The following NECTIN3 variants were observed in gnomAD, a reference collection of about 807,000 sequenced individuals.
NECTIN3 encodes the protein nectin-3.
A neutral mutation model predicts 49.4 loss-of-function variants in NECTIN3; 8 were observed. The observed-to-expected ratio is 0.16, with a 90% CI of 0.10 to 0.29. The LOEUF is 0.29. Ranked by LOEUF, NECTIN3 falls within the 10% of genes least tolerant of loss-of-function variation. NECTIN3 has a pLI of 1.00. For synonymous variants in NECTIN3, 277 were observed against 241.1 expected (o/e 1.15, Z -1.38); for missense variants, 581 against 654.6 (o/e 0.89, Z 1.23).
intron 7 of NECTIN3, among the ~76,000 whole-genome samples, chr3:111,166,308 A>G (rs2035318747): frequency 6.6e-6 from 1 of 152,204 alleles, no homozygotes; most frequent in Admixed American, 6.5e-5. Context: ...TAATCCTCCC[A>G]AGTACCTAGA....
chr3:111,143,543 C>G lies in NECTIN3; in HGVS notation c.1001-1356C>G, dbSNP rs1315223782. Among the ~76,000 whole-genome samples, 3 of 151,992 alleles carry G rather than the reference C, an allele frequency of 2.0e-5. No individual in the cohort carries two copies. In the East Asian group the frequency reaches 5.8e-4, roughly 29 times the overall value. ...TTTAAACAAAAACAATTGGAAAATA[C>G]TTATAAATATGTATTTATATGGGAA... On this transcript the variant is annotated intron_variant, in intron 5 of 8. Transcript: ENST00000493615.
intron 7 of NECTIN3, among the ~76,000 whole-genome samples, chr3:111,185,676 A>C (rs1374393280): frequency 6.6e-6 from 1 of 152,128 alleles, no homozygotes; most frequent in Non-Finnish European, 1.5e-5. Context: ...AGAAGTAAGA[A>C]GGTCATGGAA....
downstream of NECTIN3, among the ~76,000 whole-genome samples, chr3:111,139,871 ATATT>A (rs1056684270): frequency 2.0e-5 from 3 of 151,782 alleles, no homozygotes; most frequent in Admixed American, 6.6e-5. Flanking sequence ...ATCTGATAAT[ATATT>A]TAACATGTTA....
At chr3:111,103,237 G>C (rs2033005948) in intron 1 of NECTIN3, among the ~76,000 whole-genome samples, 1 of 152,062 alleles carries the variant, frequency 6.6e-6, no homozygotes, top group South Asian at 2.1e-4. Flanking sequence ...CTAGCATCTT[G>C]ACAATATTGA....
intron 1 of NECTIN3, among the ~76,000 whole-genome samples, chr3:111,105,771 G>A (rs1287088141): frequency 6.6e-6 from 1 of 152,112 alleles, no homozygotes; most frequent in Non-Finnish European, 1.5e-5. Context: ...TAGTTTCTCT[G>A]TCCTTGTGCT....
At chr3:111,102,239 T>A (rs1041707242) in intron 1 of NECTIN3, among the ~76,000 whole-genome samples, 6 of 152,186 alleles carry the variant, frequency 3.9e-5, no homozygotes, top group African/African-American at 1.4e-4. Flanking sequence ...ATGAAACATT[T>A]TATAAACGTT....
At chr3:111,088,652 A>G (rs2032076997) in intron 1 of NECTIN3, among the ~76,000 whole-genome samples, 1 of 152,208 alleles carries the variant, frequency 6.6e-6, no homozygotes, top group Non-Finnish European at 1.5e-5. Context: ...TTATAAAAAC[A>G]TTAAACCATT....
At chr3:111,140,512 T>G (rs190902219), downstream of NECTIN3, among the ~76,000 whole-genome samples, 77 of 151,912 alleles carry the variant, frequency 5.1e-4, no homozygotes, top group East Asian at 0.011. Context: ...GGGGTTTTTT[T>G]GCCAATTATT....
intron 7 of NECTIN3, among the ~76,000 whole-genome samples, chr3:111,166,089 G>T (rs1047393680): frequency 6.6e-6 from 1 of 152,130 alleles, no homozygotes; most frequent in Non-Finnish European, 1.5e-5. Context: ...TGCAAGTTTT[G>T]GTGATGCTCC....
chr3:111,160,179 G>C (rs1010698634), intron 7 of NECTIN3, among the ~76,000 whole-genome samples: 12 of 152,178 alleles, frequency 7.9e-5, no homozygotes, highest in Admixed American at 7.8e-4. Context: ...TCTAATCCCT[G>C]TACTTCTGTT....
intron 1 of NECTIN3, among the ~76,000 whole-genome samples, chr3:111,083,297 G>C (rs545266918): frequency 6.6e-6 from 1 of 152,304 alleles, no homozygotes; most frequent in Admixed American, 6.5e-5. Flanking sequence ...TGGACTGAAA[G>C]TTTGTGTTCC....
chr3:111,103,483 T>C (rs1337035219), intron 1 of NECTIN3, among the ~76,000 whole-genome samples: 2 of 151,860 alleles, frequency 1.3e-5, no homozygotes, highest in Non-Finnish European at 2.9e-5. Flanking sequence ...AACTTTGTAT[T>C]CTGTAACCTT....
At chr3:111,159,621 G>T (rs934276685) in intron 7 of NECTIN3, among the ~76,000 whole-genome samples, 3 of 152,058 alleles carry the variant, frequency 2.0e-5, no homozygotes, top group African/African-American at 7.2e-5. Flanking sequence ...ACCATTTGAG[G>T]TCTCAAAGCT....
chr3:111,090,416 A>G (rs776757709), intron 1 of NECTIN3, among the ~76,000 whole-genome samples: 5 of 152,188 alleles, frequency 3.3e-5, no homozygotes, highest in East Asian at 1.9e-4. Flanking sequence ...CCCTACTGTT[A>G]ACTACCCTAG....
intron 7 of NECTIN3, among the ~76,000 whole-genome samples, chr3:111,150,011 T>A (rs1384738835): frequency 2.0e-5 from 3 of 152,028 alleles, no homozygotes; most frequent in Non-Finnish European, 2.9e-5. Context: ...GGAACTTTTT[T>A]AGGAAAACAT....
At chr3:111,168,606 AT>A (rs1559816601) in intron 7 of NECTIN3, among the ~76,000 whole-genome samples, 1 of 152,154 alleles carries the variant, frequency 6.6e-6, no homozygotes. Context: ...GTGCTCAAAT[AT>A]TTATTGAGTG....
intron 1 of NECTIN3, among the ~76,000 whole-genome samples, chr3:111,079,501 A>G (rs577601159): frequency 6.6e-6 from 1 of 152,096 alleles, no homozygotes; most frequent in Non-Finnish European, 1.5e-5. Flanking sequence ...TAAACTGCCT[A>G]GTTTTTAAAA....
At chr3:111,085,464 T>C (rs2031869657) in intron 1 of NECTIN3, among the ~76,000 whole-genome samples, 1 of 152,172 alleles carries the variant, frequency 6.6e-6, no homozygotes, top group Non-Finnish European at 1.5e-5. Context: ...TACATAAATG[T>C]GCGGTTGGAT....
At chr3:111,072,679 A>G in intron 1 of NECTIN3, 2 of 1,128,772 alleles carry the variant, frequency 1.8e-6, no homozygotes, top group Non-Finnish European at 2.5e-6. Flanking sequence ...CCAGCCGCAG[A>G]ATCCCCTACA....
Sources: allele counts gnomAD v4.1 joint callset (sites outside exome capture counted in the v4.1 genomes callset), GRCh38; gene constraint gnomAD v4.1.1; transcripts MANE v1.5; gene names NCBI Gene and HGNC (gene_info 2026-07-23, HGNC 2026-07-21).